Variants in UBE2E2 observed in about 807,000 individuals in gnomAD.
UBE2E2 encodes ubiquitin conjugating enzyme E2 E2.
In UBE2E2, 6 loss-of-function variants were observed where a neutral mutation model predicts 24.7. The ratio of observed to expected loss-of-function variants is 0.24; its 90% confidence interval spans 0.13 to 0.48. The LOEUF is 0.48. UBE2E2 is among the 20% of genes least tolerant of loss of function. The pLI is 0.99. For missense variants in UBE2E2, 169 were observed against 245.0 expected (o/e 0.69, Z 2.07); for synonymous variants, 104 against 83.6 (o/e 1.24, Z -1.33).
intron 3 of UBE2E2, among the ~76,000 whole-genome samples, chr3:23,418,173 C>T (rs1463766420): frequency 2.0e-5 from 3 of 152,188 alleles, no homozygotes; most frequent in East Asian, 1.9e-4. Context: ...TTGAAACCCA[C>T]GGCCCTGGTG....
At chr3:23,433,730 A>C (rs1361043178) in intron 3 of UBE2E2, among the ~76,000 whole-genome samples, 1 of 151,980 alleles carries the variant, frequency 6.6e-6, no homozygotes, top group African/African-American at 2.4e-5. Context: ...GAGAAAGACA[A>C]ATTTAACAGA....
intron 3 of UBE2E2, among the ~76,000 whole-genome samples, chr3:23,255,898 A>T (rs1218889813): frequency 1.3e-5 from 2 of 152,152 alleles, no homozygotes; most frequent in Non-Finnish European, 2.9e-5. Flanking sequence ...CAGGAGTTTG[A>T]GGCTGTGGTA....
At chr3:23,514,593 A>C (rs911698840) in intron 4 of UBE2E2, among the ~76,000 whole-genome samples, 1 of 151,816 alleles carries the variant, frequency 6.6e-6, no homozygotes, top group African/African-American at 2.4e-5. Flanking sequence ...ATATTTTATT[A>C]TTATTATTAT....
intron 2 of UBE2E2, among the ~76,000 whole-genome samples, chr3:23,212,345 A>G (rs946704571): frequency 3.0e-4 from 46 of 152,258 alleles, no homozygotes; most frequent in African/African-American, 1.1e-3. Flanking sequence ...ATATGTCTAT[A>G]TCACTCTTGT....
chr3:23,461,615 G>T (rs1177097934), intron 3 of UBE2E2, among the ~76,000 whole-genome samples: 1 of 151,218 alleles, frequency 6.6e-6, no homozygotes, highest in Non-Finnish European at 1.5e-5. Flanking sequence ...CTTTATACAG[G>T]TTTTTTTTAA....
At chr3:23,300,792 G>A (rs990519539) in intron 3 of UBE2E2, among the ~76,000 whole-genome samples, 1 of 151,934 alleles carries the variant, frequency 6.6e-6, no homozygotes, top group Non-Finnish European at 1.5e-5. Context: ...AAGTATCTTT[G>A]TGGTGTTCTC....
chr3:23,466,119 A>T (rs1002987472), intron 3 of UBE2E2, among the ~76,000 whole-genome samples: 6 of 152,220 alleles, frequency 3.9e-5, no homozygotes, highest in Non-Finnish European at 4.4e-5. Flanking sequence ...AAACATTTTT[A>T]AAAATTATAA....
intron 3 of UBE2E2, among the ~76,000 whole-genome samples, chr3:23,251,015 G>T (rs917624508): frequency 6.6e-6 from 1 of 152,040 alleles, no homozygotes; most frequent in Non-Finnish European, 1.5e-5. Flanking sequence ...ATGCCATCAT[G>T]CTTCTAATTA....
chr3:23,203,865 A>G (rs929986091), intron 1 of UBE2E2, among the ~76,000 whole-genome samples: 19 of 151,546 alleles, frequency 1.3e-4, no homozygotes, highest in South Asian at 8.4e-4. Context: ...ATCTTTTGCT[A>G]TTTTCCCTAA....
At chr3:23,247,670 T>TA (rs778576849) in intron 3 of UBE2E2, among the ~76,000 whole-genome samples, 6 of 152,194 alleles carry the variant, frequency 3.9e-5, no homozygotes, top group Non-Finnish European at 8.8e-5. Flanking sequence ...TATTTGGACC[T>TA]AAACAGGCAG....
intron 2 of UBE2E2, among the ~76,000 whole-genome samples, chr3:23,216,442 A>G (rs951245133): frequency 2.0e-5 from 3 of 152,164 alleles, no homozygotes; most frequent in African/African-American, 7.2e-5. Flanking sequence ...GCATCCAGCT[A>G]TTAATAACCC....
At chr3:23,268,040 T>C (rs1218741271) in intron 3 of UBE2E2, among the ~76,000 whole-genome samples, 1 of 151,578 alleles carries the variant, frequency 6.6e-6, no homozygotes, top group Non-Finnish European at 1.5e-5. Context: ...AAATTAGGTA[T>C]TGATGGGACG....
intron 3 of UBE2E2, among the ~76,000 whole-genome samples, chr3:23,232,749 A>T (rs1335082424): frequency 6.6e-6 from 1 of 152,224 alleles, no homozygotes; most frequent in Admixed American, 6.5e-5. Flanking sequence ...TTGCGCATAC[A>T]TTGTTTCATT....
chr3:23,274,232 A>T (rs1237889373), intron 3 of UBE2E2, among the ~76,000 whole-genome samples: 2 of 152,336 alleles, frequency 1.3e-5, no homozygotes, highest in East Asian at 3.9e-4. Context: ...CTTTTAAGTT[A>T]TGAAACTCAT....
intron 3 of UBE2E2, among the ~76,000 whole-genome samples, chr3:23,354,711 C>A (rs1021413479): frequency 6.6e-6 from 1 of 152,054 alleles, no homozygotes; most frequent in South Asian, 2.1e-4. Context: ...ATGGCAATCA[C>A]TAAAAAGTCA....
chr3:23,295,959 A>G (rs1180715430), intron 3 of UBE2E2, among the ~76,000 whole-genome samples: 1 of 152,222 alleles, frequency 6.6e-6, no homozygotes, highest in African/African-American at 2.4e-5. Context: ...AATCTAAATA[A>G]ACATGACCAT....
rs1696912964 is a variant in UBE2E2 at position 23,390,655 on chromosome 3, T to C, written c.228-108953T>C. Among the ~76,000 whole-genome samples, 4 of 152,182 alleles carry C rather than the reference T, an allele frequency of 2.6e-5. No homozygotes were observed. In the South Asian group the frequency reaches 8.3e-4, roughly 31 times the overall value. ...ATGGCAGCTGCTAAAAGAGCATTAATTGTAACATACCCTTAGACAGTGCTG... is the reference window on the plus strand; with the variant it reads ...ATGGCAGCTGCTAAAAGAGCATTAACTGTAACATACCCTTAGACAGTGCTG... On this transcript the variant is annotated intron_variant, in intron 3 of 5. Coordinates refer to ENST00000396703, the MANE Select transcript of UBE2E2 (RefSeq NM_152653.4).
At chr3:23,281,526 A>G (rs546725182) in intron 3 of UBE2E2, among the ~76,000 whole-genome samples, 1 of 152,312 alleles carries the variant, frequency 6.6e-6, no homozygotes, top group East Asian at 1.9e-4. Context: ...AGTCCCAACT[A>G]TTCTGAGAGG....
intron 3 of UBE2E2, among the ~76,000 whole-genome samples, chr3:23,373,317 A>T (rs1342671546): frequency 6.6e-6 from 1 of 152,168 alleles, no homozygotes; most frequent in Non-Finnish European, 1.5e-5. Flanking sequence ...TGAGACACTC[A>T]CTGTCCTGTG....
Sources: gnomAD v4.1 joint callset for allele counts (sites outside exome capture counted in the v4.1 genomes callset) on GRCh38, gnomAD v4.1.1 for gene constraint, MANE v1.5 for transcripts, NCBI Gene and HGNC (gene_info 2026-07-23, HGNC 2026-07-21) for gene names.